The following MYO5C variants were observed in gnomAD, a reference collection of about 807,000 sequenced individuals.
MYO5C encodes unconventional myosin-Vc.
A neutral mutation model predicts 235.7 loss-of-function variants in MYO5C; 194 were observed. That is an observed-to-expected ratio of 0.82 (90% CI 0.73 to 0.93). MYO5C has a LOEUF of 0.93. Among genes scored for constraint, MYO5C ranks in the 40% least tolerant of loss-of-function variants. The pLI, the probability that MYO5C is intolerant of heterozygous loss-of-function variation, is 0.00. For missense variants in MYO5C, 2,038 were observed against 2,127.2 expected (o/e 0.96, Z 0.82); for synonymous variants, 707 against 754.8 (o/e 0.94, Z 1.04).
At chr15:52,198,388 T>C (rs2035103581) in intron 38 of MYO5C, among the ~76,000 whole-genome samples, 1 of 152,150 alleles carries the variant, frequency 6.6e-6, no homozygotes, top group African/African-American at 2.4e-5. Context: ...ATGCCCCATG[T>C]GGGTCTTCTT....
chr15:52,280,914 G>C (rs1175711490), intron 2 of MYO5C, among the ~76,000 whole-genome samples: 2 of 152,112 alleles, frequency 1.3e-5, no homozygotes, highest in African/African-American at 4.8e-5. Flanking sequence ...CTGGCTGGTT[G>C]GTCTGTTCTG....
At position 52,247,547 on chromosome 15, in the gene MYO5C, AAGG is replaced by A. The variant is rs1414089193; in HGVS notation, c.1789_1791del (p.Pro597del). 1.2e-6 allele frequency: 2 copies of A among 1,614,092 alleles called. No individual in the cohort carries two copies. The highest frequency in any genetic ancestry group is 1.7e-6 in the Non-Finnish European group (2 of 1,180,038). ...ACTGTAATCATTGAACCAAAAGGAG[AAGG>A]AGGAGTTGGATTTTCTTGAAAAAAG... On this transcript the variant is annotated inframe_deletion, in exon 15 of 41. Transcript: ENST00000261839.
rs1470975379 is a variant in MYO5C, at chr15:52,251,496, T to C, written c.1556A>G (p.Glu519Gly). The change falls in exon 13 of 41, where the codon GAA (glutamate) becomes GGA (glycine). Residue 519 changes from glutamate to glycine, a missense_variant. Physicochemically the swap from Glu to Gly is moderately conservative, Grantham distance 98 (BLOSUM62 -2). Transcript: ENST00000261839. ...ATTATACAGCTTTTGAAGCCAGTTT[T>C]CATCAGTTCCATGTGGTAACTGGAA... ...EECLLPHGTD[E>G]NWLQKLYNNF... 1.2e-6 allele frequency: 2 copies of C among 1,606,782 alleles called. No individual in the cohort carries two copies. Among genetic ancestry groups the C allele is most frequent in the Non-Finnish European group, 1.7e-6 (2 of 1,176,112 alleles).
At position 52,256,570 on chromosome 15, in the gene MYO5C, C is replaced by CAG. The variant is rs1385964518; in HGVS notation, c.1395+68_1395+69insCT. On this transcript the variant is annotated intron_variant, in intron 11 of 40. Coordinates refer to ENST00000261839, the MANE Select transcript of MYO5C (RefSeq NM_018728.4). ...GAATGCCTCTTTCCACGAACACACA[C>CAG]ACACACACACACACACACGCGCGCG... is the stretch of plus-strand genomic sequence containing the variant. 10 of 841,286 alleles carry CAG rather than the reference C, an allele frequency of 1.2e-5. No homozygotes were observed. In the East Asian group the frequency reaches 2.6e-4, roughly 22 times the overall value. 52.1% of individuals were successfully genotyped at this position (841,286 alleles called of 1,614,324 possible).
intron 25 of MYO5C, 143 bp downstream of exon 25, chr15:52,228,990 A>T (rs1222090025): frequency 2.4e-6 from 2 of 836,162 alleles, no homozygotes; most frequent in Non-Finnish European, 3.6e-6. Context: ...CTGGAGGTGC[A>T]CAGTTGGAAG....
intron 24 of MYO5C, among the ~76,000 whole-genome samples, chr15:52,229,646 A>C (rs755351332): frequency 6.6e-6 from 1 of 152,180 alleles, no homozygotes; most frequent in Non-Finnish European, 1.5e-5. Flanking sequence ...AAAAAGAAGA[A>C]AATAATTTAG....
intron 24 of MYO5C, among the ~76,000 whole-genome samples, chr15:52,229,867 T>A (rs944744558): frequency 1.3e-5 from 2 of 152,178 alleles, no homozygotes; most frequent in African/African-American, 2.4e-5. Context: ...CAGGGCACAC[T>A]GGCTAGGGAG....
chr15:52,223,594 T>C lies in MYO5C; in HGVS notation c.3577A>G (p.Ile1193Val), dbSNP rs376832628. Reference protein sequence around the residue: ...LQKLFREENDINESIRHEVTR... With the variant: ...LQKLFREENDVNESIRHEVTR... ...ACTTCATGACGGATGCTTTCATTGA[T>C]GTCATTTTCTTCTCTGAATAACTTC... Residue 1193 changes from isoleucine to valine, a missense_variant, in exon 29 of 41, where the codon ATC becomes GTC. By Grantham distance (29) the Ile-to-Val change is conservative. Coordinates refer to ENST00000261839, the MANE Select transcript of MYO5C (RefSeq NM_018728.4). 4.0e-4 allele frequency: 642 copies of C among 1,614,102 alleles called. No individual in the cohort carries two copies. Among genetic ancestry groups the C allele is most frequent in the Non-Finnish European group, 5.3e-4 (623 of 1,180,034 alleles).
chr15:52,291,731 G>GTTTTTTTTTTTGGTTTT (rs2037392525), intron 1 of MYO5C, among the ~76,000 whole-genome samples: 3 of 52,552 alleles, frequency 5.7e-5, no homozygotes, highest in African/African-American at 2.5e-4. Context: ...CATATTTTAT[G>GTTTTTTTTTTTGGTTTT]TTTTTTTTTT....
At chr15:52,282,289 A>T (rs2037176455) in intron 2 of MYO5C, among the ~76,000 whole-genome samples, 1 of 152,008 alleles carries the variant, frequency 6.6e-6, no homozygotes, top group Admixed American at 6.5e-5. Context: ...GACTCCCTCC[A>T]GTCTCCTCCC....
intron 21 of MYO5C, among the ~76,000 whole-genome samples, chr15:52,238,438 C>T (rs947576172): frequency 1.3e-5 from 2 of 152,178 alleles, no homozygotes; most frequent in African/African-American, 4.8e-5. Flanking sequence ...CCACCAGACA[C>T]CAAGTCTATT....
At chr15:52,200,277 T>TA (rs2035157215) in intron 38 of MYO5C, among the ~76,000 whole-genome samples, 1 of 152,096 alleles carries the variant, frequency 6.6e-6, no homozygotes, top group South Asian at 2.1e-4. Flanking sequence ...TTTAAAGACT[T>TA]AGAGTCTTGG....
intron 36 of MYO5C, 40 bp from the exon 37 acceptor site, chr15:52,206,006 AACAT>A: frequency 8.1e-7 from 1 of 1,230,660 alleles, no homozygotes. Context: ...GAATAATACA[AACAT>A]GTAGGAAATT....
chr15:52,277,569 T>C (rs1596225358), intron 4 of MYO5C, among the ~76,000 whole-genome samples: 1 of 152,270 alleles, frequency 6.6e-6, no homozygotes, highest in East Asian at 1.9e-4. Context: ...CCAGCCTCCC[T>C]ATGTGAGTGA....
At chr15:52,226,216 G>A (rs748165708) in intron 25 of MYO5C, among the ~76,000 whole-genome samples, 2 of 152,204 alleles carry the variant, frequency 1.3e-5, no homozygotes, top group Non-Finnish European at 2.9e-5. Flanking sequence ...GGGCAAAGTT[G>A]CCACCTTCAT....
At chr15:52,205,323 T>A in intron 37 of MYO5C, 176 bp from the exon 38 acceptor site, 1 of 701,932 alleles carries the variant, frequency 1.4e-6, no homozygotes. Flanking sequence ...TGTGTCAGGG[T>A]TAGGGATGGA....
intron 34 of MYO5C, among the ~76,000 whole-genome samples, chr15:52,212,935 C>A (rs972819485): frequency 6.6e-6 from 1 of 152,200 alleles, no homozygotes. Flanking sequence ...CTGGAGATAT[C>A]TTTTATTGTC....
Position 52,279,036 on chromosome 15 carries a change from T to C in MYO5C, c.305-19A>G. On this transcript the variant is annotated intron_variant, in intron 3 of 40. Coordinates refer to ENST00000261839, the MANE Select transcript of MYO5C (RefSeq NM_018728.4). Reference sequence around the variant, plus strand: ...ATGATTCCTGGGGAAAGATGTTAGATGCAGTTAAAATACTCTTACTGCCAC... The same window carrying C: ...ATGATTCCTGGGGAAAGATGTTAGACGCAGTTAAAATACTCTTACTGCCAC... The C allele has an allele frequency of 6.2e-7, 1 of 1,604,060 alleles. No individual in the cohort carries two copies. Among genetic ancestry groups the C allele is most frequent in the Non-Finnish European group, 8.5e-7 (1 of 1,172,720 alleles).
At chr15:52,272,886 T>C (rs1356536621) in intron 5 of MYO5C, among the ~76,000 whole-genome samples, 163 bp from the exon 6 acceptor site, 1 of 152,176 alleles carries the variant, frequency 6.6e-6, no homozygotes, top group Non-Finnish European at 1.5e-5. Flanking sequence ...GCAGGGAACA[T>C]GACAAATCAG....
Sources: allele counts gnomAD v4.1 joint callset (sites outside exome capture counted in the v4.1 genomes callset), GRCh38; gene constraint gnomAD v4.1.1; transcripts MANE v1.5; gene names NCBI Gene and HGNC (gene_info 2026-07-23, HGNC 2026-07-21).